The following CRIM1 variants were observed in gnomAD, a reference collection of about 807,000 sequenced individuals.
CRIM1 encodes the protein cysteine rich transmembrane BMP regulator 1, also known as cysteine-rich motor neuron 1 protein.
A neutral mutation model predicts 116.4 loss-of-function variants in CRIM1; 32 were observed. That is an observed-to-expected ratio of 0.27 (90% CI 0.21 to 0.37). CRIM1 has a LOEUF of 0.37. CRIM1 is among the 10% of genes least tolerant of loss of function. The pLI is 1.00. For missense variants in CRIM1, 1,331 were observed against 1,354.8 expected, an observed-to-expected ratio of 0.98 and a Z score of 0.28; for synonymous variants, 590 against 509.2, an observed-to-expected ratio of 1.16 and a Z score of -2.13.
chr2:36,437,814 T>C (rs1199033368), intron 2 of CRIM1, among the ~76,000 whole-genome samples: 1 of 152,008 alleles, frequency 6.6e-6, no homozygotes, highest in East Asian at 1.9e-4. Context: ...GGTGACAATG[T>C]TGGGACTGTC....
At chr2:36,428,840 C>T (rs978531118) in intron 2 of CRIM1, among the ~76,000 whole-genome samples, 1 of 152,114 alleles carries the variant, frequency 6.6e-6, no homozygotes, top group Non-Finnish European at 1.5e-5. Context: ...CTAATTGTCC[C>T]CATATACATG....
intron 13 of CRIM1, among the ~76,000 whole-genome samples, chr2:36,535,177 G>A (rs1309694059): frequency 1.5e-5 from 2 of 135,770 alleles, no homozygotes; most frequent in Non-Finnish European, 3.2e-5. Context: ...GGACAGGAGG[G>A]AGGGAGGGAG....
chr2:36,450,870 T>C (rs1048581241), intron 4 of CRIM1, among the ~76,000 whole-genome samples: 2 of 152,244 alleles, frequency 1.3e-5, no homozygotes, highest in African/African-American at 4.8e-5. Context: ...TAATAGAATC[T>C]TAGCAGATTG....
Position 36,419,157 on chromosome 2 carries a change from G to T in CRIM1, c.506-22101G>T, listed in dbSNP as rs151260816. Among the ~76,000 whole-genome samples, 262 of 152,316 alleles carry T rather than the reference G, an allele frequency of 1.7e-3. 1 individual carries two copies. The highest frequency in any genetic ancestry group is 6.0e-3 in the African/African-American group (249 of 41,574). On this transcript the variant is annotated intron_variant, in intron 2 of 16. Coordinates refer to ENST00000280527, the MANE Select transcript of CRIM1 (RefSeq NM_016441.3). ...TGGTTTATAGGCTTCCTATTCAAGA[G>T]GGAGGTGTCCTAAGGTTTAAAATTA...
At chr2:36,529,099 C>T (rs982165228) in intron 13 of CRIM1, 1 of 470,558 alleles carries the variant, frequency 2.1e-6, no homozygotes, top group Non-Finnish European at 4.4e-6. Flanking sequence ...GGCTGCTGCA[C>T]TGCTATTTCC....
At chr2:36,391,418 G>A (rs1671589483) in intron 1 of CRIM1, among the ~76,000 whole-genome samples, 2 of 152,008 alleles carry the variant, frequency 1.3e-5, no homozygotes, top group African/African-American at 4.8e-5. Flanking sequence ...GTGAGCCACC[G>A]CGCCCGGCCC....
intron 1 of CRIM1, chr2:36,379,051 A>G (rs1670535252): frequency 6.6e-6 from 1 of 151,972 alleles, no homozygotes; most frequent in African/African-American, 2.4e-5. Context: ...ATACACACAT[A>G]CTCATTCAAA....
At chr2:36,490,785 C>G (rs981741828) in intron 7 of CRIM1, among the ~76,000 whole-genome samples, 1 of 152,188 alleles carries the variant, frequency 6.6e-6, no homozygotes, top group Non-Finnish European at 1.5e-5. Context: ...CAGGCTTGAC[C>G]TCTGCCCATT....
At position 36,491,917 on chromosome 2, in the gene CRIM1, G is replaced by GTT. The variant is rs1348329918; in HGVS notation, c.1373-7301_1373-7300insTT. 6.6e-5 allele frequency among the ~76,000 whole-genome samples: 10 copies of GTT among 152,230 alleles called. No individual in the cohort carries two copies. The South Asian group carries it at 1.0e-3, about 16-fold the overall frequency. On this transcript the variant is annotated intron_variant, in intron 7 of 16. Coordinates refer to ENST00000280527, the MANE Select transcript of CRIM1 (RefSeq NM_016441.3). The stretch of plus-strand genomic sequence containing the variant: ...AGAATAAGAATAAAATGTAAGACAA[G>GTT]TATAAAAGATCTAGATTCTTAGAAT...
At chr2:36,379,831 A>G (rs1398205391) in intron 1 of CRIM1, among the ~76,000 whole-genome samples, 2 of 147,302 alleles carry the variant, frequency 1.4e-5, no homozygotes, top group African/African-American at 2.5e-5. Flanking sequence ...GATCATATTA[A>G]TCATCTTACC....
intron 2 of CRIM1, among the ~76,000 whole-genome samples, chr2:36,429,947 C>T (rs538396740): frequency 9.9e-5 from 15 of 152,272 alleles, no homozygotes; most frequent in African/African-American, 3.6e-4. Flanking sequence ...GGTGAGGGAG[C>T]ATTCCCTTCA....
At chr2:36,405,261 T>G (rs1672699785) in intron 2 of CRIM1, among the ~76,000 whole-genome samples, 1 of 152,228 alleles carries the variant, frequency 6.6e-6, no homozygotes, top group Non-Finnish European at 1.5e-5. Context: ...TTAGCATTCA[T>G]GCCGCCTTTG....
chr2:36,514,602 T>C (rs1290419548), intron 11 of CRIM1, among the ~76,000 whole-genome samples: 2 of 152,180 alleles, frequency 1.3e-5, no homozygotes. Flanking sequence ...CTCTCAAATC[T>C]TGTATCAGAT....
intron 1 of CRIM1, among the ~76,000 whole-genome samples, chr2:36,368,442 G>T (rs753869094): frequency 5.9e-5 from 9 of 152,210 alleles, no homozygotes; most frequent in Non-Finnish European, 1.3e-4. Context: ...GTTGTCCAGC[G>T]GCAGGACGTT....
chr2:36,380,546 CAG>C (rs1398676637), intron 1 of CRIM1, among the ~76,000 whole-genome samples: 2 of 152,116 alleles, frequency 1.3e-5, no homozygotes, highest in African/African-American at 2.4e-5. Flanking sequence ...GGTTTGAGCG[CAG>C]AGTCTACAGA....
At chr2:36,476,516 G>C (rs1345903238) in intron 5 of CRIM1, among the ~76,000 whole-genome samples, 1 of 152,172 alleles carries the variant, frequency 6.6e-6, no homozygotes, top group Admixed American at 6.5e-5. Context: ...AAAACCTAAT[G>C]TGGAGGCAGG....
intron 2 of CRIM1, among the ~76,000 whole-genome samples, chr2:36,403,133 G>A (rs1672540029): frequency 6.6e-6 from 1 of 152,188 alleles, no homozygotes; most frequent in South Asian, 2.1e-4. Context: ...AGGTGTCTGT[G>A]TTATCCATAA....
chr2:36,542,993 A>G (rs1391920071), intron 14 of CRIM1, among the ~76,000 whole-genome samples: 1 of 152,174 alleles, frequency 6.6e-6, no homozygotes, highest in Non-Finnish European at 1.5e-5. Context: ...GCAAATGGTA[A>G]TGTTTTCAGT....
At chr2:36,490,292 C>T (rs1458912494) in intron 7 of CRIM1, among the ~76,000 whole-genome samples, 2 of 152,122 alleles carry the variant, frequency 1.3e-5, no homozygotes, top group Admixed American at 6.5e-5. Flanking sequence ...TCTTGACAAG[C>T]TTGTTTGAGC....
Sources: allele counts gnomAD v4.1 joint callset (sites outside exome capture counted in the v4.1 genomes callset), GRCh38; gene constraint gnomAD v4.1.1; transcripts MANE v1.5; gene names NCBI Gene and HGNC (gene_info 2026-07-23, HGNC 2026-07-21).